Variants in PTPRN2 observed in about 807,000 individuals in gnomAD.
The protein encoded by PTPRN2 is receptor-type tyrosine-protein phosphatase N2.
PTPRN2 carries 74 observed loss-of-function variants against 118.8 expected under a neutral mutation model. That is an observed-to-expected ratio of 0.62 (90% CI 0.52 to 0.76). The LOEUF (loss-of-function observed/expected upper bound fraction) is 0.76. Among genes scored for constraint, PTPRN2 ranks in the 30% least tolerant of loss-of-function variants. The pLI is 0.00. For synonymous variants in PTPRN2, 641 were observed against 608.0 expected (o/e 1.05, Z -0.80); for missense variants, 1,481 against 1,394.4 (o/e 1.06, Z -0.99).
rs1049314848 is a variant in PTPRN2 at position 157,676,218 on chromosome 7, C to T, written c.2001+6507G>A. Among the ~76,000 whole-genome samples the T allele has an allele frequency of 6.6e-6, 1 of 152,136 alleles. No homozygotes were observed. Among genetic ancestry groups the T allele is most frequent in the African/African-American group, 2.4e-5 (1 of 41,420 alleles). On this transcript the variant is annotated intron_variant, in intron 13 of 22. Coordinates refer to ENST00000389418, the MANE Select transcript of PTPRN2 (RefSeq NM_002847.5). This position sits in a 1 kb window ranked among gnomAD's most constrained non-coding sequence, Gnocchi z 5.6. ...ACCTCTTCCCTCTAGCCCAGTTCCTCCTGGCAGCCCTGCAAATGCCCACCC... is the reference window on the plus strand; with the variant it reads ...ACCTCTTCCCTCTAGCCCAGTTCCTTCTGGCAGCCCTGCAAATGCCCACCC...
chr7:157,863,031 C>T, intron 12 of PTPRN2: 1 of 152,266 alleles, frequency 6.6e-6, no homozygotes, highest in East Asian at 1.9e-4. Flanking sequence ...TGGGCAGTTA[C>T]AAGAAAGGAC....
At chr7:158,531,452 A>G (rs1156873265) in intron 1 of PTPRN2, among the ~76,000 whole-genome samples, 1 of 152,218 alleles carries the variant, frequency 6.6e-6, no homozygotes, top group Non-Finnish European at 1.5e-5. Context: ...GCACAGAAAC[A>G]GCAGGTGTTC....
chr7:158,191,025 G>A (rs945587240), intron 5 of PTPRN2, among the ~76,000 whole-genome samples: 3 of 152,250 alleles, frequency 2.0e-5, no homozygotes, highest in Admixed American at 1.3e-4. Flanking sequence ...CACCTTGTGG[G>A]GCCAACTTCT....
intron 13 of PTPRN2, chr7:157,669,441 C>CT (rs1796300637): frequency 9.1e-6 from 4 of 440,072 alleles, no homozygotes; most frequent in Non-Finnish European, 1.8e-5. Flanking sequence ...ACACACACAC[C>CT]CAGGGGAGGA....
chr7:157,863,775 G>A (rs541777026), intron 12 of PTPRN2: 1 of 152,296 alleles, frequency 6.6e-6, no homozygotes, highest in East Asian at 1.9e-4. Context: ...TTATCAGAAA[G>A]GGATATCTGG....
At chr7:157,709,546 C>G (rs1176110828) in intron 12 of PTPRN2, among the ~76,000 whole-genome samples, 5 of 152,178 alleles carry the variant, frequency 3.3e-5, no homozygotes. Context: ...GTGGGCACCC[C>G]TCTGAGAAAT....
At chr7:158,197,537 A>T (rs533702288) in intron 4 of PTPRN2, among the ~76,000 whole-genome samples, 1 of 152,192 alleles carries the variant, frequency 6.6e-6, no homozygotes, top group Non-Finnish European at 1.5e-5. Flanking sequence ...TAAACCCACC[A>T]TGTTTTTATT....
rs566697347 is a variant in PTPRN2 at position 158,298,988 on chromosome 7, G to A, written c.277+17831C>T. Among the ~76,000 whole-genome samples the A allele has an allele frequency of 9.2e-5, 14 of 152,274 alleles. 1 individual carries two copies. In the South Asian group the frequency reaches 1.5e-3, roughly 16 times the overall value. On this transcript the variant is annotated intron_variant, in intron 3 of 22. Transcript: ENST00000389418. ...TCCTGGGAGGGGCCTTCAGGGAACC[G>A]CACAGGAAGGAGGGTGCAGCTCAGC...
rs1447468591 is a variant in PTPRN2, at chr7:157,964,132, G to A, written c.1724-65395C>T. Among the ~76,000 whole-genome samples the A allele has an allele frequency of 2.6e-5, 4 of 152,138 alleles. No homozygotes were observed. Among genetic ancestry groups the A allele is most frequent in the East Asian group, 3.9e-4 (2 of 5,182 alleles). The stretch of plus-strand genomic sequence containing the variant: ...CTCGCAGTGACCTCCCTCTGTGTGG[G>A]ACCCCCGTTCCCACTGGCACACCAT... On this transcript the variant is annotated intron_variant, in intron 11 of 22. Transcript: ENST00000389418. This position sits in a 1 kb window ranked among gnomAD's most constrained non-coding sequence, Gnocchi z 9.0.
At chr7:157,642,512 T>C (rs1804733722) in intron 14 of PTPRN2, among the ~76,000 whole-genome samples, 1 of 152,058 alleles carries the variant, frequency 6.6e-6, no homozygotes, top group Non-Finnish European at 1.5e-5. Context: ...TGGTCTCGCC[T>C]CCTCGCCTCG....
intron 11 of PTPRN2, among the ~76,000 whole-genome samples, chr7:158,021,469 C>T (rs986248719): frequency 2.0e-5 from 3 of 152,102 alleles, no homozygotes; most frequent in African/African-American, 4.8e-5. Flanking sequence ...TGTGTATGCA[C>T]CCACGCACAC....
intron 22 of PTPRN2, among the ~76,000 whole-genome samples, chr7:157,542,655 T>TCACCGGACAGAGCAGCAGGACAGA (rs1798068810): frequency 6.6e-6 from 1 of 152,182 alleles, no homozygotes; most frequent in Non-Finnish European, 1.5e-5. Flanking sequence ...TTTCCAACAC[T>TCACCGGACAGAGCAGCAGGACAGA]GCACAGTCAC....
intron 1 of PTPRN2, among the ~76,000 whole-genome samples, chr7:158,507,065 G>A (rs549051086): frequency 6.6e-5 from 10 of 152,344 alleles, no homozygotes; most frequent in African/African-American, 2.4e-4. Flanking sequence ...TCTGAGCTAG[G>A]TTTGAAGGGT....
At position 157,861,416 on chromosome 7, in the gene PTPRN2, G is replaced by A. The variant is rs1810232321; in HGVS notation, c.1788+37257C>T. ...AGTGGCTTCTGTGTTTTGCCGTCGA[G>A]GTGCAACATGCAGCTGGTGATGCCC... On this transcript the variant is annotated intron_variant, in intron 12 of 22. Transcript: ENST00000389418. The surrounding 1 kb of genome is among the most constrained non-coding windows in gnomAD (Gnocchi z 5.8). Among the ~76,000 whole-genome samples the A allele has an allele frequency of 6.6e-6, 1 of 152,228 alleles. No individual in the cohort carries two copies. The highest frequency in any genetic ancestry group is 2.4e-5 in the African/African-American group (1 of 41,462).
At chr7:157,873,807 G>A (rs942586224) in intron 12 of PTPRN2, among the ~76,000 whole-genome samples, 4 of 152,158 alleles carry the variant, frequency 2.6e-5, no homozygotes, top group African/African-American at 9.7e-5. Context: ...ATCACACTGG[G>A]GGCACAGGTC....
At chr7:157,918,328 C>G (rs1366099296) in intron 11 of PTPRN2, among the ~76,000 whole-genome samples, 1 of 152,304 alleles carries the variant, frequency 6.6e-6, no homozygotes, top group East Asian at 1.9e-4. Context: ...GTGTGAAGAA[C>G]TTAAAACAAA....
intron 12 of PTPRN2, among the ~76,000 whole-genome samples, chr7:157,743,871 G>T (rs1800773677): frequency 6.6e-6 from 1 of 152,228 alleles, no homozygotes; most frequent in African/African-American, 2.4e-5. Context: ...TTAGGTTCCT[G>T]GCATGGCTGT....
In PTPRN2 at chr7:158,247,049, C is replaced by G. The variant is rs955858699; in HGVS notation, c.278-41776G>C. On this transcript the variant is annotated intron_variant, in intron 3 of 22. Coordinates refer to ENST00000389418, the MANE Select transcript of PTPRN2 (RefSeq NM_002847.5). ...GGGCTGGGAGACATGTGTGAGGACG[C>G]ACGATGGGGTTAGGCAGCCTGAGAA... Among the ~76,000 whole-genome samples the G allele has an allele frequency of 5.9e-5, 9 of 152,322 alleles. No homozygotes were observed. In the South Asian group the frequency reaches 1.9e-3, roughly 32 times the overall value.
At chr7:157,577,904 G>C in intron 18 of PTPRN2, 117 bp downstream of exon 18, 6 of 1,323,704 alleles carry the variant, frequency 4.5e-6, no homozygotes, top group Non-Finnish European at 6.0e-6. Context: ...CATGGGGTGC[G>C]CTGAGCCTCC....
Sources: gnomAD v4.1 joint callset for allele counts (sites outside exome capture counted in the v4.1 genomes callset) on GRCh38, gnomAD v4.1.1 for gene constraint, Gnocchi (gnomAD v3.1) non-coding constraint, MANE v1.5 for transcripts, NCBI Gene and HGNC (gene_info 2026-07-23, HGNC 2026-07-21) for gene names.